Variants in KDM2A observed in about 807,000 individuals in gnomAD.
KDM2A encodes the protein lysine-specific demethylase 2A.
KDM2A carries 3 observed loss-of-function variants against 137.3 expected under a neutral mutation model. The observed-to-expected ratio is 0.02, with a 90% confidence interval of 0.01 to 0.06. The LOEUF (loss-of-function observed/expected upper bound fraction) is 0.06, where lower values mean the gene tolerates loss of function less well. Ranked by LOEUF, KDM2A falls within the 10% of genes least tolerant of loss-of-function variation. The probability of loss-of-function intolerance (pLI) is 1.00; values close to 1 mark genes in which losing one functional copy is unlikely to be tolerated. For synonymous variants in KDM2A, 512 were observed against 541.5 expected (o/e 0.95, Z 0.76); for missense variants, 738 against 1,510.6 (o/e 0.49, Z 8.48).
rs1859607365 is a variant in KDM2A, at chr11:67,256,247, T to G, written c.*1192T>G. 6.6e-6 allele frequency: 1 copy of G among 152,626 alleles called. No individual in the cohort carries two copies. The allele number at this position is 152,626 out of a possible 1,614,324, so 9.5% of individuals were successfully genotyped here. A position where few individuals can be genotyped will look rare whatever the true frequency, so the allele number is the denominator to read the frequency against. ...GGGAGGGGAGCATGGTGTCTCCCGC[T>G]CCACCGCCCTTTGTTGAGCCCCATC... On this transcript the variant is annotated 3_prime_UTR_variant, in exon 21 of 21. Coordinates refer to ENST00000529006, the MANE Select transcript of KDM2A (RefSeq NM_012308.3).
chr11:67,225,537 G>A (rs1057235936), intron 10 of KDM2A, among the ~76,000 whole-genome samples: 5 of 152,068 alleles, frequency 3.3e-5, no homozygotes, highest in East Asian at 1.9e-4. Context: ...TTGGGAGGCC[G>A]AGGTGGGTGG....
chr11:67,192,626 G>T (rs1452838022), intron 5 of KDM2A, among the ~76,000 whole-genome samples: 1 of 151,226 alleles, frequency 6.6e-6, no homozygotes, highest in Non-Finnish European at 1.5e-5. Flanking sequence ...GTATTTTTTA[G>T]TACAGATGGG....
chr11:67,173,102 C>T (rs950681805), intron 2 of KDM2A, among the ~76,000 whole-genome samples: 16 of 151,860 alleles, frequency 1.1e-4, no homozygotes, highest in Non-Finnish European at 2.1e-4. Context: ...GGAGATCCTC[C>T]CACCTCAGTT....
intron 10 of KDM2A, among the ~76,000 whole-genome samples, chr11:67,226,275 T>C (rs1044871871): frequency 2.0e-5 from 3 of 151,658 alleles, no homozygotes; most frequent in African/African-American, 7.3e-5. Flanking sequence ...AATAATAATA[T>C]ATCATTCATG....
chr11:67,251,064 GGATA>G (rs1339366734), intron 17 of KDM2A, among the ~76,000 whole-genome samples: 1 of 152,132 alleles, frequency 6.6e-6, no homozygotes, highest in Non-Finnish European at 1.5e-5. Context: ...CTGATTTGCG[GGATA>G]GATTTGTAGT....
chr11:67,139,005 T>G (rs1439931430), intron 2 of KDM2A, among the ~76,000 whole-genome samples: 1 of 152,234 alleles, frequency 6.6e-6, no homozygotes, highest in Non-Finnish European at 1.5e-5. Context: ...GCTGACATTT[T>G]TCTAAACCAC....
chr11:67,233,830 G>A (rs1462131333), intron 12 of KDM2A, among the ~76,000 whole-genome samples: 1 of 152,036 alleles, frequency 6.6e-6, no homozygotes. Context: ...TAAAGAGGAG[G>A]CTTAGCATTA....
intron 5 of KDM2A, among the ~76,000 whole-genome samples, chr11:67,197,424 G>A (rs1405643911): frequency 2.6e-5 from 4 of 152,138 alleles, no homozygotes; most frequent in African/African-American, 4.8e-5. Flanking sequence ...CAGTCAGCCC[G>A]CCTCGGCCCC....
intron 2 of KDM2A, among the ~76,000 whole-genome samples, chr11:67,173,954 A>T (rs1416248983): frequency 6.6e-6 from 1 of 151,920 alleles, no homozygotes; most frequent in African/African-American, 2.4e-5. Flanking sequence ...TCAGAAAGTG[A>T]TCCTCCTACC....
At chr11:67,157,148 C>T (rs1856533768) in intron 2 of KDM2A, among the ~76,000 whole-genome samples, 2 of 150,906 alleles carry the variant, frequency 1.3e-5, no homozygotes, top group Admixed American at 1.3e-4. Flanking sequence ...CCCGTCTCTA[C>T]TAAAAATACA....
chr11:67,222,936 GTAATCCCAACACTT>G (rs1326638304), intron 10 of KDM2A, among the ~76,000 whole-genome samples: 1 of 151,194 alleles, frequency 6.6e-6, no homozygotes, highest in East Asian at 1.9e-4. Context: ...GCTCACACCT[GTAATCCCAACACTT>G]TGGGAGGCTA....
intron 5 of KDM2A, among the ~76,000 whole-genome samples, chr11:67,202,390 A>G (rs890458736): frequency 6.6e-6 from 1 of 152,202 alleles, no homozygotes; most frequent in African/African-American, 2.4e-5. Flanking sequence ...CATGGGTAAA[A>G]TGATATCAAA....
chr11:67,247,072 T>TAA (rs1491570916), intron 15 of KDM2A, among the ~76,000 whole-genome samples: 8 of 18,344 alleles, frequency 4.4e-4, no homozygotes, highest in African/African-American at 1.4e-3. Context: ...TATATATATA[T>TAA]TTTTTTTTTT....
At chr11:67,222,021 A>G (rs917688076) in intron 10 of KDM2A, among the ~76,000 whole-genome samples, 2 of 150,360 alleles carry the variant, frequency 1.3e-5, no homozygotes, top group East Asian at 1.9e-4. Context: ...AAAAATGTAT[A>G]ATTCCATAGT....
chr11:67,153,182 A>C (rs1187055958), intron 2 of KDM2A, among the ~76,000 whole-genome samples: 1 of 152,022 alleles, frequency 6.6e-6, no homozygotes, highest in Non-Finnish European at 1.5e-5. Flanking sequence ...GCAGGGTTTC[A>C]CTATGTTGGT....
chr11:67,183,855 T>A (rs1353022728), intron 5 of KDM2A, among the ~76,000 whole-genome samples: 2 of 152,014 alleles, frequency 1.3e-5, no homozygotes, highest in Non-Finnish European at 2.9e-5. Context: ...ATGCCTGTAA[T>A]CTTAGCACTC....
chr11:67,221,440 A>G (rs778355959), intron 10 of KDM2A, among the ~76,000 whole-genome samples: 11 of 152,306 alleles, frequency 7.2e-5, no homozygotes, highest in Non-Finnish European at 1.3e-4. Context: ...TTTTATATGA[A>G]TGGTCTTTTA....
intron 2 of KDM2A, among the ~76,000 whole-genome samples, chr11:67,147,434 C>T (rs955283610): frequency 6.6e-6 from 1 of 151,248 alleles, no homozygotes; most frequent in Non-Finnish European, 1.5e-5. Flanking sequence ...CCCAGCTACT[C>T]AGGAGGTTAA....
chr11:67,203,874 C>G (rs182369987), intron 5 of KDM2A, among the ~76,000 whole-genome samples: 1 of 150,666 alleles, frequency 6.6e-6, no homozygotes, highest in South Asian at 2.1e-4. Flanking sequence ...GATCTTGGCT[C>G]ACTGCAACCT....
Sources: allele counts gnomAD v4.1 joint callset (sites outside exome capture counted in the v4.1 genomes callset), GRCh38; gene constraint gnomAD v4.1.1; transcripts MANE v1.5; gene names NCBI Gene and HGNC (gene_info 2026-07-23, HGNC 2026-07-21).